The following FAM227B variants were observed in gnomAD, a reference collection of about 807,000 sequenced individuals.
The protein encoded by FAM227B is family with sequence similarity 227 member B, also known as protein FAM227B.
FAM227B carries 88 observed loss-of-function variants against 73.8 expected under a neutral mutation model. The observed-to-expected ratio is 1.19, with a 90% CI of 1.00 to 1.42. The LOEUF is 1.42. Ranked by LOEUF, FAM227B falls within the 40% of genes most tolerant of loss-of-function variation. The pLI is 0.00. For missense variants in FAM227B, 632 were observed against 590.9 expected (o/e 1.07, Z -0.72); for synonymous variants, 210 against 190.5 (o/e 1.10, Z -0.84).
At chr15:49,387,501 T>C (rs759755573) in intron 11 of FAM227B, among the ~76,000 whole-genome samples, 2 of 151,474 alleles carry the variant, frequency 1.3e-5, no homozygotes, top group African/African-American at 2.4e-5. Context: ...AATCCATATA[T>C]GACAAACCCA....
At chr15:49,591,020 CT>C (rs913958003) in intron 3 of FAM227B, among the ~76,000 whole-genome samples, 15 of 106,898 alleles carry the variant, frequency 1.4e-4, no homozygotes, top group African/African-American at 4.3e-4. Flanking sequence ...TTCTCTTTCT[CT>C]TTTTTTTGTT....
At chr15:49,545,729 G>T (rs945674691) in intron 9 of FAM227B, among the ~76,000 whole-genome samples, 1 of 151,954 alleles carries the variant, frequency 6.6e-6, no homozygotes, top group Non-Finnish European at 1.5e-5. Context: ...TAAAATTTTC[G>T]TCTTAATTTC....
chr15:49,525,802 AGAC>A (rs2060157163), intron 10 of FAM227B, among the ~76,000 whole-genome samples: 1 of 149,528 alleles, frequency 6.7e-6, no homozygotes, highest in African/African-American at 2.5e-5. Context: ...GTAAAAAAAA[AGAC>A]AAAGAAGGAT....
intron 9 of FAM227B, among the ~76,000 whole-genome samples, chr15:49,564,980 T>A (rs2007443): frequency 0.11 from 16,282 of 152,082 alleles, 1,239 homozygotes; most frequent in East Asian, 0.36. Context: ...AATGTTGCAA[T>A]TTTTGTAAAT....
intron 10 of FAM227B, among the ~76,000 whole-genome samples, chr15:49,519,176 A>G (rs934411561): frequency 2.6e-5 from 4 of 152,220 alleles, no homozygotes; most frequent in Non-Finnish European, 5.9e-5. Context: ...ATGGGCTCCC[A>G]TGGCCTTGGG....
intron 11 of FAM227B, among the ~76,000 whole-genome samples, chr15:49,446,606 GA>G: frequency 6.6e-6 from 1 of 151,496 alleles, no homozygotes; most frequent in South Asian, 2.1e-4. Context: ...CTTTTTTAAA[GA>G]AGAGAACAAA....
At chr15:49,405,098 T>C (rs945311322) in intron 11 of FAM227B, among the ~76,000 whole-genome samples, 2 of 152,176 alleles carry the variant, frequency 1.3e-5, no homozygotes, top group East Asian at 3.9e-4. Context: ...TTCTGGCTTG[T>C]AGGGTTTCTG....
intron 3 of FAM227B, among the ~76,000 whole-genome samples, chr15:49,609,237 T>G (rs367646389): frequency 6.6e-6 from 1 of 151,624 alleles, no homozygotes; most frequent in South Asian, 2.1e-4. Context: ...GTAAAGGGAA[T>G]GTGGGAAATG....
chr15:49,596,746 C>T (rs8028992), intron 3 of FAM227B, among the ~76,000 whole-genome samples: 2,939 of 151,998 alleles, frequency 0.019, 121 homozygotes, highest in African/African-American at 0.068. Flanking sequence ...CACATAAAGA[C>T]TCACATAAAC....
chr15:49,582,951 C>A (rs1043906369), intron 5 of FAM227B, among the ~76,000 whole-genome samples: 2 of 151,718 alleles, frequency 1.3e-5, no homozygotes, highest in African/African-American at 4.8e-5. Flanking sequence ...TATAACACAC[C>A]AGAATCTCTG....
chr15:49,484,398 G>T, intron 11 of FAM227B: 1 of 1,594,216 alleles, frequency 6.3e-7, no homozygotes, highest in Non-Finnish European at 8.5e-7. Flanking sequence ...ACACACAACG[G>T]AGGGGAAATG....
At chr15:49,561,300 C>T (rs1269750641) in intron 9 of FAM227B, among the ~76,000 whole-genome samples, 5 of 152,148 alleles carry the variant, frequency 3.3e-5, no homozygotes, top group Admixed American at 3.3e-4. Flanking sequence ...ATAAAGGGTT[C>T]AATTCAACAA....
chr15:49,364,282 A>G (rs2044737391), intron 13 of FAM227B, among the ~76,000 whole-genome samples: 1 of 152,074 alleles, frequency 6.6e-6, no homozygotes, highest in Admixed American at 6.5e-5. Flanking sequence ...TTTCTGATAC[A>G]ATTTCAGAAC....
intron 13 of FAM227B, among the ~76,000 whole-genome samples, chr15:49,340,403 G>GCCCCCCCCCCCC (rs373386438): frequency 1.1e-5 from 1 of 94,380 alleles, no homozygotes; most frequent in Non-Finnish European, 2.2e-5. Flanking sequence ...GCAGTGCCCC[G>GCCCCCCCCCCCC]CCCCCCCCCT....
chr15:49,430,684 A>C (rs1390284061), intron 11 of FAM227B, among the ~76,000 whole-genome samples: 1 of 151,834 alleles, frequency 6.6e-6, no homozygotes, highest in Non-Finnish European at 1.5e-5. Context: ...TATGAGAGTA[A>C]GAGAGTATGA....
At chr15:49,457,351 T>C (rs11634375) in intron 11 of FAM227B, among the ~76,000 whole-genome samples, 67,150 of 151,722 alleles carry the variant, frequency 0.44, 16,572 homozygotes, top group South Asian at 0.56. Context: ...CCATAGAAAG[T>C]GGTAATTAGA....
chr15:49,394,452 G>A lies in FAM227B; in HGVS notation c.1013-23053C>T, dbSNP rs531651857. Among the ~76,000 whole-genome samples, 139 of 152,194 alleles carry A rather than the reference G, an allele frequency of 9.1e-4. 5 individuals are homozygous for A. In the South Asian group the frequency reaches 0.028, roughly 30 times the overall value. ...GGAGAGTTGAAGAGAAATAAAGGTG[G>A]AAGTAGTTGTCTAGGTGCATGGGAG... On this transcript the variant is annotated intron_variant, in intron 11 of 15. Coordinates refer to ENST00000299338, the MANE Select transcript of FAM227B (RefSeq NM_152647.3).
At chr15:49,345,856 TGAA>T (rs1186254834) in intron 13 of FAM227B, among the ~76,000 whole-genome samples, 1 of 152,096 alleles carries the variant, frequency 6.6e-6, no homozygotes, top group Non-Finnish European at 1.5e-5. Flanking sequence ...AGATTAGAAA[TGAA>T]GAAACTGAAG....
chr15:49,535,145 G>A (rs2060915049), intron 10 of FAM227B, among the ~76,000 whole-genome samples: 1 of 151,404 alleles, frequency 6.6e-6, no homozygotes, highest in African/African-American at 2.4e-5. Flanking sequence ...ATAAAACTAA[G>A]AGTTCATTTT....
Sources: allele counts gnomAD v4.1 joint callset (sites outside exome capture counted in the v4.1 genomes callset), GRCh38; gene constraint gnomAD v4.1.1; transcripts MANE v1.5; gene names NCBI Gene and HGNC (gene_info 2026-07-23, HGNC 2026-07-21).